Variants in HPCA observed in about 807,000 individuals in gnomAD.
HPCA encodes neuron-specific calcium-binding protein hippocalcin.
In HPCA, 4 loss-of-function variants were observed where a neutral mutation model predicts 18.2. The ratio of observed to expected loss-of-function variants is 0.22; its 90% CI spans 0.11 to 0.50. HPCA has a LOEUF of 0.50. Ranked by LOEUF, HPCA falls within the 20% of genes least tolerant of loss-of-function variation. The probability of loss-of-function intolerance (pLI) is 0.97; values close to 1 mark genes in which losing one functional copy is unlikely to be tolerated. For missense variants in HPCA, 161 were observed against 265.8 expected, an observed-to-expected ratio of 0.61 and a Z score of 2.74; for synonymous variants, 93 against 103.5, an observed-to-expected ratio of 0.90 and a Z score of 0.61.
Position 32,889,318 on chromosome 1 carries a change from G to T in HPCA, c.378+42G>T. 6.4e-7 allele frequency: 1 copy of T among 1,569,938 alleles called. No individual in the cohort carries two copies. The highest frequency in any genetic ancestry group is 2.2e-5 in the East Asian group (1 of 44,464). Reference sequence around the variant, plus strand: ...CTCAGAATGCCAGGCACAGGGCCCGGCAGCTTGCACCCACCACCCCTTTTG... The same window carrying T: ...CTCAGAATGCCAGGCACAGGGCCCGTCAGCTTGCACCCACCACCCCTTTTG... On this transcript the variant is annotated intron_variant, in intron 2 of 3. Coordinates refer to ENST00000373467, the MANE Select transcript of HPCA (RefSeq NM_002143.3). This position sits in a 1 kb window ranked among gnomAD's most constrained non-coding sequence, Gnocchi z 4.6.
Position 32,889,039 on chromosome 1 carries a change from G to C in HPCA, c.141G>C (p.Glu47Asp). 1 of 1,614,276 alleles carries C rather than the reference G, an allele frequency of 6.2e-7. No individual in the cohort carries two copies. The highest frequency in any genetic ancestry group is 8.5e-7 in the Non-Finnish European group (1 of 1,180,050). ...DCPTGILNVD[E>D]FKKIYANFFP... ...CCACAGGAATCCTCAATGTGGATGA[G>C]TTCAAGAAGATCTACGCCAACTTCT... The change falls in exon 2 of 4, where the codon GAG becomes GAC. Residue 47 changes from glutamate (E) to aspartate (D), a missense_variant. Coordinates refer to ENST00000373467, the MANE Select transcript of HPCA (RefSeq NM_002143.3). This position sits in a 1 kb window ranked among gnomAD's most constrained non-coding sequence, Gnocchi z 4.6.
chr1:32,892,905 C>T (rs1395969972), intron 2 of HPCA, among the ~76,000 whole-genome samples: 1 of 152,196 alleles, frequency 6.6e-6, no homozygotes, highest in Admixed American at 6.5e-5. Flanking sequence ...GCGGCTGCCG[C>T]CCTCTGCCCA....
rs1641489341 is a variant in HPCA, at chr1:32,893,055, G to A, written c.379-469G>A. Among the ~76,000 whole-genome samples, 1 of 151,838 alleles carries A rather than the reference G, an allele frequency of 6.6e-6. No individual in the cohort carries two copies. Among genetic ancestry groups the A allele is most frequent in the Admixed American group, 6.6e-5 (1 of 15,262 alleles). On this transcript the variant is annotated intron_variant, in intron 2 of 3. Coordinates refer to ENST00000373467, the MANE Select transcript of HPCA (RefSeq NM_002143.3). The surrounding 1 kb of genome is among the most constrained non-coding windows in gnomAD (Gnocchi z 7.5). ...CCGCGCCCCCTGCCGGCAGCAGACG[G>A]CCCCGCAGCGCAGTGCCGCCCCCTT...
In HPCA at chr1:32,889,765, C is replaced by G. The variant is rs1393081747; in HGVS notation, c.378+489C>G. ...TCTTTATAGCATTTTTGGCCCTGACCTGGGGTCATGCATTGCATCTAGTTC... is the reference window on the plus strand; with the variant it reads ...TCTTTATAGCATTTTTGGCCCTGACGTGGGGTCATGCATTGCATCTAGTTC... On this transcript the variant is annotated intron_variant, in intron 2 of 3. Coordinates refer to ENST00000373467, the MANE Select transcript of HPCA (RefSeq NM_002143.3). This position sits in a 1 kb window ranked among gnomAD's most constrained non-coding sequence, Gnocchi z 4.6. 6.6e-6 allele frequency among the ~76,000 whole-genome samples: 1 copy of G among 152,222 alleles called. No homozygotes were observed. The highest frequency in any genetic ancestry group is 1.5e-5 in the Non-Finnish European group (1 of 68,036).
chr1:32,886,350 C>T (rs575315733), upstream of HPCA: 1 of 151,814 alleles, frequency 6.6e-6, no homozygotes, highest in East Asian at 2.0e-4. The surrounding 1 kb of genome is among the most constrained non-coding windows in gnomAD (Gnocchi z 7.0). Context: ...CCCAGCGCGC[C>T]GCTCCCCAGC....
chr1:32,890,089 C>T (rs1326423259), intron 2 of HPCA, among the ~76,000 whole-genome samples: 1 of 152,172 alleles, frequency 6.6e-6, no homozygotes, highest in African/African-American at 2.4e-5. Context: ...TCAGTGCGTG[C>T]TTACAACAAC....
intron 2 of HPCA, among the ~76,000 whole-genome samples, chr1:32,892,157 G>C (rs188610263): frequency 4.6e-5 from 7 of 152,322 alleles, no homozygotes; most frequent in African/African-American, 1.7e-4. Context: ...GAATCACCCA[G>C]CCAGGGGAGA....
chr1:32,893,520 C>T lies in HPCA; in HGVS notation c.379-4C>T, dbSNP rs557895597. ...TCACTCCCCGCCTCCCCTCCCGCCC[C>T]CAGGCCATTTACAAGATGGTTTCGT... On this transcript the variant is annotated splice_region_variant and splice_polypyrimidine_tract_variant and intron_variant, in intron 2 of 3. Transcript: ENST00000373467. This position sits in a 1 kb window ranked among gnomAD's most constrained non-coding sequence, Gnocchi z 7.5. The T allele has an allele frequency of 6.8e-6, 11 of 1,609,394 alleles. No homozygotes were observed. In the South Asian group the frequency reaches 8.8e-5, roughly 13 times the overall value.
chr1:32,889,377 C>G lies in HPCA; in HGVS notation c.378+101C>G. ...AGCAGACCTCGTAGGCATGTGGTGG[C>G]AGGGGATATTCTTGCAATCCCATTT... On this transcript the variant is annotated intron_variant, in intron 2 of 3. Coordinates refer to ENST00000373467, the MANE Select transcript of HPCA (RefSeq NM_002143.3). This position sits in a 1 kb window ranked among gnomAD's most constrained non-coding sequence, Gnocchi z 4.6. 2.4e-6 allele frequency: 3 copies of G among 1,251,696 alleles called. No individual in the cohort carries two copies. The highest frequency in any genetic ancestry group is 1.6e-5 in the South Asian group (1 of 64,472). The allele number at this position is 1,251,696 out of a possible 1,614,324, so 77.5% of individuals were successfully genotyped here.
chr1:32,889,251 G>A lies in HPCA; in HGVS notation c.353G>A (p.Arg118Gln), dbSNP rs747220833. ...CTGGACGGCAACGGCTACATCAGCC[G>A]GGAGGAGATGCTGGAGATCGTGCAG... is the stretch of plus-strand genomic sequence containing the variant. ...YDLDGNGYIS[R>Q]EEMLEIVQAI... The change falls in exon 2 of 4, where the codon CGG becomes CAG. Residue 118 changes from arginine (R) to glutamine (Q), a missense_variant. Physicochemically the swap from Arg to Gln is conservative, Grantham distance 43 (BLOSUM62 1). Coordinates refer to ENST00000373467, the MANE Select transcript of HPCA (RefSeq NM_002143.3). This position sits in a 1 kb window ranked among gnomAD's most constrained non-coding sequence, Gnocchi z 4.6. The A allele has an allele frequency of 2.1e-5, 34 of 1,613,000 alleles. No homozygotes were observed. Among genetic ancestry groups the A allele is most frequent in the Admixed American group, 6.7e-5 (4 of 59,984 alleles).
chr1:32,892,851 C>T (rs1016451120), intron 2 of HPCA, among the ~76,000 whole-genome samples: 3 of 152,194 alleles, frequency 2.0e-5, no homozygotes, highest in African/African-American at 4.8e-5. Flanking sequence ...GTACATTTAG[C>T]GCAAGAACTC....
chr1:32,894,356 T>C lies in HPCA; in HGVS notation c.*494T>C, dbSNP rs544769211. 1.1e-5 allele frequency: 2 copies of C among 189,874 alleles called. No individual in the cohort carries two copies. Among genetic ancestry groups the C allele is most frequent in the Non-Finnish European group, 2.2e-5 (2 of 90,956 alleles). 11.8% of individuals were successfully genotyped at this position (189,874 alleles called of 1,614,324 possible). On this transcript the variant is annotated 3_prime_UTR_variant, in exon 4 of 4. Transcript: ENST00000373467. ...CACCAAGTGAAACCTTCCAGGATAC[T>C]AGCCCGCCAGCTGTGGGCCCCAGAA...
chr1:32,889,072 T>C lies in HPCA; in HGVS notation c.174T>C (p.Tyr58=), dbSNP rs748329299. The part of the protein sequence containing the change: ...FKKIYANFFP[Y]GDASKFAEHV... The stretch of plus-strand genomic sequence containing the variant: ...AGATCTACGCCAACTTCTTTCCCTA[T>C]GGTGACGCCTCCAAGTTTGCCGAGC... The change falls in exon 2 of 4, where the codon TAT becomes TAC. Residue 58 remains tyrosine (Y), a synonymous_variant. Transcript: ENST00000373467. The surrounding 1 kb of genome is among the most constrained non-coding windows in gnomAD (Gnocchi z 4.6). 5.0e-6 allele frequency: 8 copies of C among 1,614,122 alleles called. No individual in the cohort carries two copies. The African/African-American group carries it at 8.0e-5, about 16-fold the overall frequency.
chr1:32,893,832 G>T lies in HPCA; in HGVS notation c.552G>T (p.Gln184His), dbSNP rs1260983522. The T allele has an allele frequency of 6.3e-6, 10 of 1,577,848 alleles. No individual in the cohort carries two copies. The highest frequency in any genetic ancestry group is 8.6e-6 in the Non-Finnish European group (10 of 1,162,744). ...KSDPSIVRLL[Q>H]CDPSSASQF ...ACCCGTCCATCGTGCGTCTGCTGCAGTGCGACCCCAGCAGCGCCTCCCAGT... is the reference window on the plus strand; with the variant it reads ...ACCCGTCCATCGTGCGTCTGCTGCATTGCGACCCCAGCAGCGCCTCCCAGT... The change falls in exon 4 of 4, where the codon CAG (glutamine) becomes CAT (histidine). Residue 184 changes from glutamine to histidine, a missense_variant. By Grantham distance (24) the Gln-to-His change is conservative (BLOSUM62 0). Transcript: ENST00000373467. The surrounding 1 kb of genome is among the most constrained non-coding windows in gnomAD (Gnocchi z 7.5).
chr1:32,891,084 C>T (rs1429412768), intron 2 of HPCA, among the ~76,000 whole-genome samples: 1 of 152,232 alleles, frequency 6.6e-6, no homozygotes, highest in Non-Finnish European at 1.5e-5. Context: ...AAACCCCAGT[C>T]CTGCTGGAGC....
chr1:32,887,843 C>T (rs1199112973), intron 1 of HPCA, among the ~76,000 whole-genome samples: 7 of 151,832 alleles, frequency 4.6e-5, no homozygotes, highest in African/African-American at 1.7e-4. Flanking sequence ...GGGAGTTGTG[C>T]GTGGTGCCAT....
chr1:32,893,818 G>C lies in HPCA; in HGVS notation c.538G>C (p.Val180Leu). 6.3e-7 allele frequency: 1 copy of C among 1,580,766 alleles called. No individual in the cohort carries two copies. The highest frequency in any genetic ancestry group is 8.6e-7 in the Non-Finnish European group (1 of 1,164,228). ...IRGAKSDPSIVRLLQCDPSSA... is the reference protein window; with the variant it reads ...IRGAKSDPSILRLLQCDPSSA... ...CGGGGCCAAAAGCGACCCGTCCATC[G>C]TGCGTCTGCTGCAGTGCGACCCCAG... Residue 180 changes from valine (V) to leucine (L), a missense_variant, in exon 4 of 4, where the codon GTG becomes CTG. Val to Leu is a conservative substitution (Grantham distance 32). Coordinates refer to ENST00000373467, the MANE Select transcript of HPCA (RefSeq NM_002143.3). The surrounding 1 kb of genome is among the most constrained non-coding windows in gnomAD (Gnocchi z 7.5).
intron 1 of HPCA, among the ~76,000 whole-genome samples, chr1:32,888,461 G>C (rs1641406157): frequency 6.6e-6 from 1 of 152,196 alleles, no homozygotes; most frequent in African/African-American, 2.4e-5. Context: ...GGCAACTCTA[G>C]GAGTCAGCCT....
chr1:32,888,383 C>A (rs1167441950), intron 1 of HPCA, among the ~76,000 whole-genome samples: 1 of 152,160 alleles, frequency 6.6e-6, no homozygotes, highest in Non-Finnish European at 1.5e-5. Flanking sequence ...TGAGCAGGCA[C>A]ATGTGAGGCA....
Sources: gnomAD v4.1 joint callset for allele counts (sites outside exome capture counted in the v4.1 genomes callset) on GRCh38, gnomAD v4.1.1 for gene constraint, Gnocchi (gnomAD v3.1) non-coding constraint, MANE v1.5 for transcripts, NCBI Gene and HGNC (gene_info 2026-07-23, HGNC 2026-07-21) for gene names.